TET1: variants seen among roughly 807,000 people sequenced by gnomAD.
TET1 encodes tet methylcytosine dioxygenase 1, also known as methylcytosine dioxygenase TET1.
In TET1, 13 loss-of-function variants were observed where a neutral mutation model predicts 148.7. The observed-to-expected ratio is 0.09, with a 90% CI of 0.06 to 0.14. The LOEUF (loss-of-function observed/expected upper bound fraction) is 0.14, where lower values mean the gene tolerates loss of function less well. Among genes scored for constraint, TET1 ranks in the 10% least tolerant of loss-of-function variants. The pLI is 1.00. For missense variants in TET1, 2,182 were observed against 2,553.8 expected (o/e 0.85, Z 3.14); for synonymous variants, 907 against 937.2 (o/e 0.97, Z 0.59).
chr10:68,673,635 T>G (rs1348695843), intron 8 of TET1: 1 of 163,606 alleles, frequency 6.1e-6, no homozygotes, highest in African/African-American at 2.4e-5. Context: ...GGGGCACCAA[T>G]AGGAACTAAG....
Position 68,672,931 on chromosome 10 carries a change from T to G in TET1, c.4710T>G (p.Thr1570=), listed in dbSNP as rs776997376. 4 of 1,610,656 alleles carry G rather than the reference T, an allele frequency of 2.5e-6. No individual in the cohort carries two copies. Among genetic ancestry groups the G allele is most frequent in the Non-Finnish European group, 3.4e-6 (4 of 1,177,602 alleles). Reference sequence around the variant, plus strand: ...CATGTCAAGGAATTGATCCAGAGACTTGTGGAGCTTCATTCTCTTTTGGCT... The same window carrying G: ...CATGTCAAGGAATTGATCCAGAGACGTGTGGAGCTTCATTCTCTTTTGGCT... ...TCTCQGIDPE[T]CGASFSFGCS... is the part of the protein sequence containing the mutation. The change falls in exon 8 of 12, where the codon ACT becomes ACG. Residue 1570 remains threonine (T), a synonymous_variant. Coordinates refer to ENST00000373644, the MANE Select transcript of TET1 (RefSeq NM_030625.3).
chr10:68,676,236 G>GTATA (rs750680550), intron 8 of TET1, among the ~76,000 whole-genome samples: 130 of 55,470 alleles, frequency 2.3e-3, no homozygotes, highest in Non-Finnish European at 3.0e-3. Context: ...GTATGTATGT[G>GTATA]TATATATATA....
At chr10:68,664,625 T>G (rs1371721240) in intron 6 of TET1, among the ~76,000 whole-genome samples, 1 of 148,656 alleles carries the variant, frequency 6.7e-6, no homozygotes, top group Non-Finnish European at 1.5e-5. Context: ...CGACCTCAAG[T>G]GATCTAACCA....
In TET1 at chr10:68,645,263, A is replaced by T; in HGVS notation, c.2534A>T (p.His845Leu). 1.9e-6 allele frequency: 3 copies of T among 1,614,156 alleles called. No individual in the cohort carries two copies. Among genetic ancestry groups the T allele is most frequent in the Non-Finnish European group, 2.5e-6 (3 of 1,180,014 alleles). The part of the protein sequence containing the change: ...IPHSSHSIIN[H>L]HASIHNEGDQ... The stretch of plus-strand genomic sequence containing the variant: ...CATTCTTCACACTCCATCATAAATC[A>T]TCATGCTAGTATACACAATGAAGGT... The change falls in exon 4 of 12, where the codon CAT becomes CTT. Residue 845 changes from histidine (H) to leucine (L), a missense_variant. Physicochemically the swap from His to Leu is moderately conservative, Grantham distance 99. Coordinates refer to ENST00000373644, the MANE Select transcript of TET1 (RefSeq NM_030625.3).
chr10:68,662,240 C>T (rs2055131268), intron 6 of TET1, among the ~76,000 whole-genome samples: 1 of 152,036 alleles, frequency 6.6e-6, no homozygotes, highest in African/African-American at 2.4e-5. Context: ...AACTCCTGAC[C>T]TCAAGTGATC....
intron 6 of TET1, among the ~76,000 whole-genome samples, chr10:68,656,660 G>A (rs181807343): frequency 6.6e-5 from 10 of 152,312 alleles, no homozygotes; most frequent in East Asian, 3.9e-4. Flanking sequence ...GAGCAATGCC[G>A]AGCCTAGAAT....
intron 1 of TET1, among the ~76,000 whole-genome samples, chr10:68,570,395 G>T (rs1003703901): frequency 6.6e-6 from 1 of 151,876 alleles, no homozygotes; most frequent in East Asian, 1.9e-4. Context: ...GTGAGCCACC[G>T]CGCCCAGCCA....
At chr10:68,563,693 GTTTTTTGAGA>G (rs2053578297) in intron 1 of TET1, among the ~76,000 whole-genome samples, 1 of 152,166 alleles carries the variant, frequency 6.6e-6, no homozygotes, top group African/African-American at 2.4e-5. Context: ...TTTTTTGTTT[GTTTTTTGAGA>G]CGGAGTCTCG....
chr10:68,601,874 G>A (rs541158889), intron 3 of TET1, among the ~76,000 whole-genome samples: 1 of 146,096 alleles, frequency 6.8e-6, no homozygotes, highest in Admixed American at 6.7e-5. Flanking sequence ...TAATTATTTT[G>A]TGTACATTTA....
At chr10:68,666,362 G>A (rs751728573) in intron 6 of TET1, among the ~76,000 whole-genome samples, 3 of 152,104 alleles carry the variant, frequency 2.0e-5, no homozygotes, top group Non-Finnish European at 2.9e-5. Flanking sequence ...ATTCCTTTGT[G>A]TATATTAATT....
rs529216161 is a variant in TET1, at chr10:68,618,928, C to T, written c.1968+17894C>T. Among the ~76,000 whole-genome samples the T allele has an allele frequency of 2.0e-5, 3 of 152,158 alleles. No homozygotes were observed. The East Asian group carries it at 5.8e-4, about 29-fold the overall frequency. On this transcript the variant is annotated intron_variant, in intron 3 of 11. Coordinates refer to ENST00000373644, the MANE Select transcript of TET1 (RefSeq NM_030625.3). ...GCTGCAGTGAGTTATGATCTTGCCA[C>T]GTCACTCCAGCTTGGGTGACAGAAT...
rs577557317 is a variant in TET1, at chr10:68,570,160, C to A, written c.-122-2057C>A. Among the ~76,000 whole-genome samples, 11 of 151,046 alleles carry A rather than the reference C, an allele frequency of 7.3e-5. 1 individual carries two copies. The highest frequency in any genetic ancestry group is 2.0e-4 in the Admixed American group (3 of 15,158). ...TGCTCTGTCACCCAGGCTGGAGTGC[C>A]ATGGTGCAATCTCAGCTCACTGCAA... On this transcript the variant is annotated intron_variant, in intron 1 of 11. Transcript: ENST00000373644.
In TET1 at chr10:68,573,561, T is replaced by C; in HGVS notation, c.1223T>C (p.Val408Ala). 1 of 1,614,122 alleles carries C rather than the reference T, an allele frequency of 6.2e-7. No homozygotes were observed. Among genetic ancestry groups the C allele is most frequent in the Non-Finnish European group, 8.5e-7 (1 of 1,180,026 alleles). ...IPGAIPVQGE[V>A]FGTILDQQET... The stretch of plus-strand genomic sequence containing the variant: ...GGTGCTATTCCAGTCCAAGGAGAGG[T>C]CTTTGGTACTATTTTAGACCAACAA... The change falls in exon 2 of 12, where the codon GTC becomes GCC. Residue 408 changes from valine to alanine, a missense_variant. Val to Ala is a moderately conservative substitution (Grantham distance 64). Around this residue, in one of 11 missense-constraint regions of TET1, gnomAD observed 665 missense variants for 672.4 expected, o/e 0.99. Transcript: ENST00000373644.
chr10:68,601,025 A>G lies in TET1; in HGVS notation c.1959A>G (p.Lys653=). Residue 653 remains lysine (K), a synonymous_variant, in exon 3 of 12, where the codon AAA becomes AAG. Coordinates refer to ENST00000373644, the MANE Select transcript of TET1 (RefSeq NM_030625.3). ...GGCCCCAGAGGGAAAAGAAGCCCAAAGTTTTAAAGGTAATCAGCTGTTGAT... is the reference window on the plus strand; with the variant it reads ...GGCCCCAGAGGGAAAAGAAGCCCAAGGTTTTAAAGGTAATCAGCTGTTGAT... ...NKRPQREKKP[K]VLKADFDNKP... 6.2e-7 allele frequency: 1 copy of G among 1,604,630 alleles called. No homozygotes were observed. The highest frequency in any genetic ancestry group is 2.2e-5 in the East Asian group (1 of 44,694).
At chr10:68,601,066 T>G in intron 3 of TET1, 32 bp downstream of exon 3, 1 of 1,562,366 alleles carries the variant, frequency 6.4e-7, no homozygotes, top group South Asian at 1.2e-5. Flanking sequence ...AATATTTCAT[T>G]ATTTTTCCAT....
At chr10:68,663,362 T>C (rs1385289333) in intron 6 of TET1, among the ~76,000 whole-genome samples, 1 of 152,220 alleles carries the variant, frequency 6.6e-6, no homozygotes, top group Non-Finnish European at 1.5e-5. Flanking sequence ...TTTGCATCTT[T>C]CTGTTTTTTA....
chr10:68,664,392 G>C (rs2055165511), intron 6 of TET1, among the ~76,000 whole-genome samples: 1 of 150,000 alleles, frequency 6.7e-6, no homozygotes, highest in Non-Finnish European at 1.5e-5. Context: ...CTGCCCTTTT[G>C]CTTGCCTTCT....
chr10:68,688,205 C>T (rs2055541340), intron 11 of TET1, among the ~76,000 whole-genome samples: 1 of 152,040 alleles, frequency 6.6e-6, no homozygotes, highest in Non-Finnish European at 1.5e-5. Context: ...TCAAGCGATT[C>T]TCCTGCCTCA....
intron 3 of TET1, among the ~76,000 whole-genome samples, chr10:68,640,839 C>A (rs1489381270): frequency 6.6e-6 from 1 of 151,472 alleles, no homozygotes; most frequent in Admixed American, 6.6e-5. Context: ...GTGTGAGCCA[C>A]CACCCAGCCT....
Sources: gnomAD v4.1 joint callset for allele counts (sites outside exome capture counted in the v4.1 genomes callset) on GRCh38, gnomAD v4.1.1 for gene constraint, gnomAD v4.1.1 regional missense constraint, MANE v1.5 for transcripts, NCBI Gene and HGNC (gene_info 2026-07-23, HGNC 2026-07-21) for gene names.